Variants in DSCAM observed in about 807,000 individuals in gnomAD.
DSCAM encodes cell adhesion molecule DSCAM.
In DSCAM, 47 loss-of-function variants were observed where a neutral mutation model predicts 217.7. The ratio of observed to expected loss-of-function variants is 0.22; its 90% CI spans 0.17 to 0.28. The LOEUF (loss-of-function observed/expected upper bound fraction) is 0.28. DSCAM is among the 10% of genes least tolerant of loss of function. The probability of loss-of-function intolerance (pLI) is 1.00; values close to 1 mark genes in which losing one functional copy is unlikely to be tolerated. For missense variants in DSCAM, 2,080 were observed against 2,618.3 expected (o/e 0.79, Z 4.49); for synonymous variants, 1,056 against 1,015.3 (o/e 1.04, Z -0.76).
At chr21:40,593,865 G>T (rs979688544) in intron 3 of DSCAM, among the ~76,000 whole-genome samples, 13 of 152,132 alleles carry the variant, frequency 8.5e-5, no homozygotes, top group African/African-American at 2.9e-4. Flanking sequence ...TTAAATAGCT[G>T]CTAACATTTG....
At chr21:40,391,872 T>C (rs2075137034) in intron 3 of DSCAM, among the ~76,000 whole-genome samples, 1 of 152,220 alleles carries the variant, frequency 6.6e-6, no homozygotes, top group East Asian at 1.9e-4. Context: ...AGAATGTGAC[T>C]CTGGGTCATC....
At chr21:40,219,265 T>A (rs1199437028) in intron 11 of DSCAM, among the ~76,000 whole-genome samples, 2 of 151,686 alleles carry the variant, frequency 1.3e-5, no homozygotes, top group Non-Finnish European at 2.9e-5. Context: ...TATGTTTATG[T>A]GATAAATCAC....
intron 1 of DSCAM, among the ~76,000 whole-genome samples, chr21:40,794,298 A>T (rs1385974074): frequency 6.6e-6 from 1 of 152,016 alleles, no homozygotes; most frequent in East Asian, 1.9e-4. Context: ...TAATTAATTC[A>T]TTTTTTTCCT....
rs1375468752 is a variant in DSCAM at position 40,012,286 on chromosome 21, G to C, written c.*748C>G. The C allele has an allele frequency of 1.3e-5, 2 of 152,208 alleles. No homozygotes were observed. The highest frequency in any genetic ancestry group is 4.8e-5 in the African/African-American group (2 of 41,442). The allele number at this position is 152,208 out of a possible 1,614,324, so 9.4% of individuals were successfully genotyped here. ...TTCCTGGAGATTCCTGAGGAGTTCA[G>C]GGTGTTAGTATCGACTCTGGTTTAT... On this transcript the variant is annotated 3_prime_UTR_variant, in exon 33 of 33. Coordinates refer to ENST00000400454, the MANE Select transcript of DSCAM (RefSeq NM_001389.5).
At chr21:40,124,435 G>T in intron 19 of DSCAM, 107 bp from the exon 20 acceptor site, 2 of 1,444,540 alleles carry the variant, frequency 1.4e-6, no homozygotes, top group Non-Finnish European at 1.9e-6. Context: ...GCTCTTTCAG[G>T]ATGAGCGTTA....
chr21:40,840,219 G>A (rs2092088883), intron 1 of DSCAM, among the ~76,000 whole-genome samples: 1 of 152,078 alleles, frequency 6.6e-6, no homozygotes, highest in Non-Finnish European at 1.5e-5. Context: ...TGCAAAATAA[G>A]AAATAAAGAT....
intron 2 of DSCAM, among the ~76,000 whole-genome samples, chr21:40,706,864 T>C (rs1239585916): frequency 6.6e-6 from 1 of 152,240 alleles, no homozygotes; most frequent in East Asian, 1.9e-4. Context: ...GCCCATCTTA[T>C]ATGTTCAAAC....
chr21:40,402,049 CTTTTTTTTTTTTT>C (rs71186933), intron 3 of DSCAM, among the ~76,000 whole-genome samples: 5 of 58,256 alleles, frequency 8.6e-5, no homozygotes, highest in East Asian at 6.6e-4. Context: ...ATTCTTATTC[CTTTTTTTTTTTTT>C]TTTTTTTTTT....
intron 11 of DSCAM, among the ~76,000 whole-genome samples, chr21:40,271,837 C>T (rs1226334002): frequency 6.6e-6 from 1 of 152,168 alleles, no homozygotes. Flanking sequence ...GTTCCCCTCT[C>T]CATTTTGTCT....
At chr21:40,358,240 T>C (rs918715475) in intron 4 of DSCAM, among the ~76,000 whole-genome samples, 1 of 152,224 alleles carries the variant, frequency 6.6e-6, no homozygotes, top group Non-Finnish European at 1.5e-5. Context: ...ATTTCTCAAA[T>C]ATGCTTAAGA....
At chr21:40,124,764 G>A (rs1298494735) in intron 19 of DSCAM, among the ~76,000 whole-genome samples, 1 of 152,082 alleles carries the variant, frequency 6.6e-6, no homozygotes, top group African/African-American at 2.4e-5. Flanking sequence ...CTTGATTTTG[G>A]ACTTCTGGCC....
rs1484982389 is a variant in DSCAM at position 40,137,432 on chromosome 21, A to G, written c.3407-3423T>C. Among the ~76,000 whole-genome samples the G allele has an allele frequency of 2.0e-5, 3 of 152,146 alleles. No individual in the cohort carries two copies. The East Asian group carries it at 5.8e-4, about 29-fold the overall frequency. On this transcript the variant is annotated intron_variant, in intron 18 of 32. Coordinates refer to ENST00000400454, the MANE Select transcript of DSCAM (RefSeq NM_001389.5). ...GAAGGCTATTTTCCTGATGACAGATACTAGGTGACTAGCAGATATGGAAGA... is the reference window on the plus strand; with the variant it reads ...GAAGGCTATTTTCCTGATGACAGATGCTAGGTGACTAGCAGATATGGAAGA...
intron 3 of DSCAM, among the ~76,000 whole-genome samples, chr21:40,381,074 A>AAAACAAAAAAAAAAAAAC (rs2075018594): frequency 6.8e-6 from 1 of 147,040 alleles, no homozygotes; most frequent in African/African-American, 2.6e-5. Flanking sequence ...AAAAAAAAAA[A>AAAACAAAAAAAAAAAAAC]AAAAAAAAAA....
At chr21:40,568,575 G>A (rs745393472) in intron 3 of DSCAM, among the ~76,000 whole-genome samples, 4 of 151,956 alleles carry the variant, frequency 2.6e-5, no homozygotes, top group Non-Finnish European at 4.4e-5. Context: ...TTTCTTCCTC[G>A]GGGAATATAA....
intron 3 of DSCAM, among the ~76,000 whole-genome samples, chr21:40,639,073 G>GA (rs1555875152): frequency 7.3e-6 from 1 of 137,074 alleles, no homozygotes; most frequent in Admixed American, 7.3e-5. Flanking sequence ...TAAATATCCT[G>GA]CATTTTTTTT....
At chr21:40,471,769 G>T (rs1036468177) in intron 3 of DSCAM, among the ~76,000 whole-genome samples, 1 of 152,104 alleles carries the variant, frequency 6.6e-6, no homozygotes, top group African/African-American at 2.4e-5. Flanking sequence ...CAGGAGCAGA[G>T]ATTTTATTTT....
intron 3 of DSCAM, among the ~76,000 whole-genome samples, chr21:40,407,847 GT>G (rs1332823113): frequency 6.6e-6 from 1 of 152,164 alleles, no homozygotes; most frequent in Admixed American, 6.5e-5. Flanking sequence ...GTACAATGAT[GT>G]TTATCTTGAG....
intron 3 of DSCAM, among the ~76,000 whole-genome samples, chr21:40,454,880 T>G (rs1368980731): frequency 6.6e-6 from 1 of 152,160 alleles, no homozygotes; most frequent in East Asian, 1.9e-4. Flanking sequence ...AAATTCTATC[T>G]CGACGTCCAC....
At chr21:40,704,957 A>T (rs992190338) in intron 2 of DSCAM, among the ~76,000 whole-genome samples, 9 of 152,222 alleles carry the variant, frequency 5.9e-5, no homozygotes, top group African/African-American at 2.2e-4. Context: ...GGCCTAACAG[A>T]TTCTTGCTAA....
Sources: gnomAD v4.1 joint callset for allele counts (sites outside exome capture counted in the v4.1 genomes callset) on GRCh38, gnomAD v4.1.1 for gene constraint, MANE v1.5 for transcripts, NCBI Gene and HGNC (gene_info 2026-07-23, HGNC 2026-07-21) for gene names.